ORMDL2: variants seen among roughly 807,000 people sequenced by gnomAD.
ORMDL2 encodes ORMDL sphingolipid biosynthesis regulator 2.
ORMDL2 carries 11 observed loss-of-function variants against 13.5 expected under a neutral mutation model. The observed-to-expected ratio is 0.82, with a 90% CI of 0.51 to 1.35. The LOEUF (loss-of-function observed/expected upper bound fraction) is 1.35, where lower values mean the gene tolerates loss of function less well. Ranked by LOEUF, ORMDL2 falls within the 40% of genes most tolerant of loss-of-function variation. The pLI is 0.00. For synonymous variants in ORMDL2, 73 were observed against 76.5 expected, an observed-to-expected ratio of 0.95 and a Z score of 0.24; for missense variants, 160 against 191.1, an observed-to-expected ratio of 0.84 and a Z score of 0.96.
chr12:55,820,399 A>G lies in ORMDL2; in HGVS notation c.*4A>G, dbSNP rs765517220. ...CTTTGGCATCAACAAATACTGAGGG[A>G]TGGGTTTTGGGACAGCTCCATGGGC... On this transcript the variant is annotated 3_prime_UTR_variant, in exon 4 of 4. Transcript: ENST00000243045. 13 of 1,614,076 alleles carry G rather than the reference A, an allele frequency of 8.1e-6. No homozygotes were observed. The South Asian group carries it at 1.4e-4, about 18-fold the overall frequency.
At position 55,818,058 on chromosome 12, in the gene ORMDL2, T is replaced by C. The variant is rs1242764210; in HGVS notation, c.-56T>C. The C allele has an allele frequency of 5.5e-6, 3 of 547,342 alleles. No individual in the cohort carries two copies. Among genetic ancestry groups the C allele is most frequent in the Non-Finnish European group, 1.0e-5 (3 of 287,140 alleles). 33.9% of individuals were successfully genotyped at this position (547,342 alleles called of 1,614,324 possible). A position where few individuals can be genotyped will look rare whatever the true frequency, so the allele number is the denominator to read the frequency against. ...GGAGAGGCGTTACTTCCTGGAGACT[T>C]CAGGTGTGGTAGCCGGCGCCGCGCC... On this transcript the variant is annotated 5_prime_UTR_variant, in exon 1 of 4. Transcript: ENST00000243045.
chr12:55,818,294 C>G, intron 1 of ORMDL2, 182 bp downstream of exon 1: 2 of 242,104 alleles, frequency 8.3e-6, no homozygotes, highest in South Asian at 7.0e-5. Flanking sequence ...GGCGGTGGGG[C>G]TGGGGCGGGC....
At chr12:55,819,264 C>G in intron 2 of ORMDL2, 78 bp from the exon 3 acceptor site, 4 of 1,587,652 alleles carry the variant, frequency 2.5e-6, no homozygotes, top group Non-Finnish European at 3.4e-6. Flanking sequence ...TTTATGTGTT[C>G]CTTTTGGGAT....
In ORMDL2 at chr12:55,820,397, G is replaced by A. The variant is rs755516615; in HGVS notation, c.*2G>A. The A allele has an allele frequency of 3.0e-5, 49 of 1,614,038 alleles. No individual in the cohort carries two copies. The highest frequency in any genetic ancestry group is 5.1e-6 in the Non-Finnish European group (6 of 1,180,034). ...GTCTTTGGCATCAACAAATACTGAG[G>A]GATGGGTTTTGGGACAGCTCCATGG... On this transcript the variant is annotated 3_prime_UTR_variant, in exon 4 of 4. Coordinates refer to ENST00000243045, the MANE Select transcript of ORMDL2 (RefSeq NM_014182.5).
rs368682188 is a variant in ORMDL2 at position 55,820,343 on chromosome 12, C to T, written c.410C>T (p.Pro137Leu). ...NTASLLSVLL[P>L]KLPQFHGVRV... The stretch of plus-strand genomic sequence containing the variant: ...GCCTCATTGCTAAGTGTACTGCTGC[C>T]GAAGTTGCCCCAGTTCCATGGGGTT... The change falls in exon 4 of 4, where the codon CCG (proline) becomes CTG (leucine). Residue 137 changes from proline to leucine, a missense_variant. Coordinates refer to ENST00000243045, the MANE Select transcript of ORMDL2 (RefSeq NM_014182.5). The T allele has an allele frequency of 2.2e-5, 36 of 1,614,014 alleles. No individual in the cohort carries two copies. Among genetic ancestry groups the T allele is most frequent in the Admixed American group, 3.3e-5 (2 of 59,996 alleles).
Position 55,820,361 on chromosome 12 carries a change from A to G in ORMDL2, c.428A>G (p.His143Arg). ...CTGCTGCCGAAGTTGCCCCAGTTCC[A>G]TGGGGTTCGTGTCTTTGGCATCAAC... is the stretch of plus-strand genomic sequence containing the variant. ...SVLLPKLPQF[H>R]GVRVFGINKY Residue 143 changes from histidine to arginine, a missense_variant, in exon 4 of 4, where the codon CAT becomes CGT. Coordinates refer to ENST00000243045, the MANE Select transcript of ORMDL2 (RefSeq NM_014182.5). 1 of 1,614,112 alleles carries G rather than the reference A, an allele frequency of 6.2e-7. No homozygotes were observed. Among genetic ancestry groups the G allele is most frequent in the Non-Finnish European group, 8.5e-7 (1 of 1,180,020 alleles).
At chr12:55,818,179 G>A in intron 1 of ORMDL2, 67 bp downstream of exon 1, 2 of 452,384 alleles carry the variant, frequency 4.4e-6, no homozygotes, top group Non-Finnish European at 8.9e-6. Flanking sequence ...GGCGCCGAGG[G>A]AGTGGTGACC....
At position 55,819,404 on chromosome 12, in the gene ORMDL2, G is replaced by A; in HGVS notation, c.237G>A (p.Lys79=). Residue 79 remains lysine, a synonymous_variant, in exon 3 of 4, where the codon AAG becomes AAA. Transcript: ENST00000243045. ...GTPFETPDQG[K]ARLLTHWEQM... Reference sequence around the variant, plus strand: ...CCTTTGAGACTCCTGACCAAGGAAAGGCTCGGCTACTGACACACTGGGAGC... The same window carrying A: ...CCTTTGAGACTCCTGACCAAGGAAAAGCTCGGCTACTGACACACTGGGAGC... 1 of 1,614,134 alleles carries A rather than the reference G, an allele frequency of 6.2e-7. No homozygotes were observed. Among genetic ancestry groups the A allele is most frequent in the Non-Finnish European group, 8.5e-7 (1 of 1,180,016 alleles).
chr12:55,819,081 A>G lies in ORMDL2; in HGVS notation c.82A>G (p.Ile28Val), dbSNP rs764066977. Residue 28 changes from isoleucine to valine, a missense_variant, in exon 2 of 4, where the codon ATC becomes GTC. Coordinates refer to ENST00000243045, the MANE Select transcript of ORMDL2 (RefSeq NM_014182.5). ...CCGAGGCATCTGGCTGGCCTACATC[A>G]TCTTGGTAGGATTGCTGCATATGGT... ...NSRGIWLAYI[I>V]LVGLLHMVLL... 6 of 1,613,982 alleles carry G rather than the reference A, an allele frequency of 3.7e-6. No homozygotes were observed. The Admixed American group carries it at 1.0e-4, about 27-fold the overall frequency.
intron 3 of ORMDL2, among the ~76,000 whole-genome samples, chr12:55,819,866 T>C (rs1227889144): frequency 1.3e-5 from 2 of 152,326 alleles, no homozygotes; most frequent in Middle Eastern, 3.4e-3. Flanking sequence ...CTGAAATAGC[T>C]TGAGCCGTCA....
At position 55,819,100 on chromosome 12, in the gene ORMDL2, A is replaced by G. The variant is rs757034744; in HGVS notation, c.101A>G (p.His34Arg). 8.7e-6 allele frequency: 14 copies of G among 1,613,998 alleles called. No homozygotes were observed. The highest frequency in any genetic ancestry group is 1.1e-5 in the Non-Finnish European group (13 of 1,179,998). Residue 34 changes from histidine to arginine, a missense_variant, in exon 2 of 4, where the codon CAT (histidine) becomes CGT (arginine). By Grantham distance (29) the His-to-Arg change is conservative (BLOSUM62 0). Transcript: ENST00000243045. The stretch of plus-strand genomic sequence containing the variant: ...TACATCATCTTGGTAGGATTGCTGC[A>G]TATGGTTCTACTCAGCATCCCCTTC... ...LAYIILVGLLHMVLLSIPFFS... is the reference protein window; with the variant it reads ...LAYIILVGLLRMVLLSIPFFS...
intron 3 of ORMDL2, among the ~76,000 whole-genome samples, chr12:55,819,865 C>T (rs1880619830): frequency 6.6e-6 from 1 of 152,162 alleles, no homozygotes; most frequent in Admixed American, 6.6e-5. Context: ...ACTGAAATAG[C>T]TTGAGCCGTC....
chr12:55,820,639 C>T lies in ORMDL2; in HGVS notation c.*244C>T, dbSNP rs112289913. The T allele has an allele frequency of 7.9e-6, 4 of 506,826 alleles. No individual in the cohort carries two copies. The highest frequency in any genetic ancestry group is 1.9e-5 in the African/African-American group (1 of 52,622). 31.4% of individuals were successfully genotyped at this position (506,826 alleles called of 1,614,324 possible). Reference sequence around the variant, plus strand: ...AGGTAAGGGCCAAATCACTCTCCTCCATAGCAGGAAGCCATTTGGGCAGCT... The same window carrying T: ...AGGTAAGGGCCAAATCACTCTCCTCTATAGCAGGAAGCCATTTGGGCAGCT... On this transcript the variant is annotated 3_prime_UTR_variant, in exon 4 of 4. Transcript: ENST00000243045.
chr12:55,819,526 TTAGAAAGAGCTCCAAGAGCCAGG>T, intron 3 of ORMDL2, 33 bp downstream of exon 3: 2 of 1,597,748 alleles, frequency 1.3e-6, no homozygotes, highest in Non-Finnish European at 1.7e-6. Context: ...ATATGCTGGG[TTAGAAAGAGCTCCAAGAGCCAGG>T]TAGAAAGGCC....
At position 55,820,499 on chromosome 12, in the gene ORMDL2, A is replaced by G. The variant is rs755979123; in HGVS notation, c.*104A>G. 7.4e-7 allele frequency: 1 copy of G among 1,346,246 alleles called. No homozygotes were observed. 83.4% of individuals were successfully genotyped at this position (1,346,246 alleles called of 1,614,324 possible). Reference sequence around the variant, plus strand: ...TCCATACTGTCTTCTACACCTTTAAAGCCTGAGAACTATACAACCTTTCCC... The same window carrying G: ...TCCATACTGTCTTCTACACCTTTAAGGCCTGAGAACTATACAACCTTTCCC... On this transcript the variant is annotated 3_prime_UTR_variant, in exon 4 of 4. Coordinates refer to ENST00000243045, the MANE Select transcript of ORMDL2 (RefSeq NM_014182.5).
At position 55,820,287 on chromosome 12, in the gene ORMDL2, G is replaced by A. The variant is rs1406454694; in HGVS notation, c.354G>A (p.Lys118=). ...VLYLLASFYT[K]YDAAHFLINT... is the part of the protein sequence containing the mutation. The stretch of plus-strand genomic sequence containing the variant: ...ATCTCCTGGCCAGCTTCTATACCAA[G>A]TATGATGCTGCGCACTTCCTCATCA... Residue 118 remains lysine, a synonymous_variant, in exon 4 of 4, where the codon AAG becomes AAA. Transcript: ENST00000243045. 2.4e-5 allele frequency: 39 copies of A among 1,613,422 alleles called. No homozygotes were observed. Among genetic ancestry groups the A allele is most frequent in the Non-Finnish European group, 3.1e-5 (37 of 1,179,796 alleles).
chr12:55,821,414 T>C lies in ORMDL2; in HGVS notation c.*1019T>C, dbSNP rs1880662823. 1 of 152,640 alleles carries C rather than the reference T, an allele frequency of 6.6e-6. No individual in the cohort carries two copies. The highest frequency in any genetic ancestry group is 1.5e-5 in the Non-Finnish European group (1 of 68,062). The allele number at this position is 152,640 out of a possible 1,614,324, so 9.5% of individuals were successfully genotyped here. ...GGGTGGGAAAAAGTGTCATCTGCCC[T>C]AAAAGCAAATGACAAGACAAAGGCA... On this transcript the variant is annotated 3_prime_UTR_variant, in exon 4 of 4. Coordinates refer to ENST00000243045, the MANE Select transcript of ORMDL2 (RefSeq NM_014182.5).
intron 2 of ORMDL2, 70 bp from the exon 3 acceptor site, chr12:55,819,272 G>A: frequency 6.3e-7 from 1 of 1,589,408 alleles, no homozygotes; most frequent in East Asian, 2.2e-5. Flanking sequence ...TTCCTTTTGG[G>A]ATCTTAACAT....
rs1415483503 is a variant in ORMDL2, at chr12:55,819,386, G to A, written c.219G>A (p.Glu73=). 1 of 1,614,152 alleles carries A rather than the reference G, an allele frequency of 6.2e-7. No individual in the cohort carries two copies. The highest frequency in any genetic ancestry group is 2.2e-5 in the East Asian group (1 of 44,880). Residue 73 remains glutamate (E), a synonymous_variant, in exon 3 of 4, where the codon GAG becomes GAA. Transcript: ENST00000243045. Reference sequence around the variant, plus strand: ...ATACGGTGAAAGGGACACCCTTTGAGACTCCTGACCAAGGAAAGGCTCGGC... The same window carrying A: ...ATACGGTGAAAGGGACACCCTTTGAAACTCCTGACCAAGGAAAGGCTCGGC... ...FLHTVKGTPF[E]TPDQGKARLL...
Sources: gnomAD v4.1 joint callset for allele counts (sites outside exome capture counted in the v4.1 genomes callset) on GRCh38, gnomAD v4.1.1 for gene constraint, MANE v1.5 for transcripts, NCBI Gene and HGNC (gene_info 2026-07-23, HGNC 2026-07-21) for gene names.